The following KLRG1 variants were observed in gnomAD, a reference collection of about 807,000 sequenced individuals.
KLRG1 encodes killer cell lectin-like receptor subfamily G member 1.
Under a neutral mutation model 21.8 loss-of-function variants are expected in KLRG1, and 16 were observed. The ratio of observed to expected loss-of-function variants is 0.73; its 90% CI spans 0.50 to 1.11. The LOEUF (loss-of-function observed/expected upper bound fraction) is 1.11, where lower values mean the gene tolerates loss of function less well. KLRG1 is among the 50% of genes most tolerant of loss of function. The pLI is 0.00. For synonymous variants in KLRG1, 69 were observed against 75.9 expected (o/e 0.91, Z 0.47); for missense variants, 173 against 218.3 (o/e 0.79, Z 1.31).
chr12:8,956,110 A>G (rs1323734969), intron 1 of KLRG1, among the ~76,000 whole-genome samples: 1 of 152,140 alleles, frequency 6.6e-6, no homozygotes, highest in Non-Finnish European at 1.5e-5. Flanking sequence ...TGCAATTGTC[A>G]GTGTAACCTC....
chr12:9,201,956 A>G, the KLRG1 span, among the ~76,000 whole-genome samples: 1 of 152,142 alleles, frequency 6.6e-6, no homozygotes, highest in Non-Finnish European at 1.5e-5. Context: ...GGTCTATTGT[A>G]TATACCTATA....
At chr12:9,014,996 A>G (rs1451547684), downstream of KLRG1, among the ~76,000 whole-genome samples, 1 of 152,160 alleles carries the variant, frequency 6.6e-6, no homozygotes, top group Non-Finnish European at 1.5e-5. Context: ...ACCTCAAATA[A>G]AAAAACATAC....
chr12:9,103,047 T>C, the KLRG1 span, among the ~76,000 whole-genome samples: 1 of 152,208 alleles, frequency 6.6e-6, no homozygotes, highest in Non-Finnish European at 1.5e-5. Flanking sequence ...CTGCATGCTA[T>C]ACCGAATAAC....
At chr12:9,022,131 C>T in the KLRG1 span, among the ~76,000 whole-genome samples, 1 of 152,076 alleles carries the variant, frequency 6.6e-6, no homozygotes, top group African/African-American at 2.4e-5. Context: ...CATAGCCAGA[C>T]CCCATCTCTA....
intron 1 of KLRG1, among the ~76,000 whole-genome samples, chr12:8,957,019 C>T (rs1946306293): frequency 1.3e-5 from 2 of 152,160 alleles, no homozygotes; most frequent in African/African-American, 2.4e-5. Context: ...CCAGTGGTCA[C>T]GAGTGAATCT....
At chr12:9,185,456 A>C in the KLRG1 span, among the ~76,000 whole-genome samples, 3 of 152,156 alleles carry the variant, frequency 2.0e-5, no homozygotes, top group African/African-American at 7.2e-5. Flanking sequence ...TGAATCTACA[A>C]CTCCTTGATA....
At chr12:8,975,714 C>A (rs1946647474) in intron 1 of KLRG1, among the ~76,000 whole-genome samples, 1 of 152,134 alleles carries the variant, frequency 6.6e-6, no homozygotes, top group Non-Finnish European at 1.5e-5. Flanking sequence ...CAGGCATATA[C>A]CATCACACTG....
chr12:9,211,176 C>A, the KLRG1 span, among the ~76,000 whole-genome samples: 1 of 152,122 alleles, frequency 6.6e-6, no homozygotes, highest in African/African-American at 2.4e-5. Context: ...TTCCAGTATT[C>A]CTTTAAATAA....
At chr12:9,149,002 G>T in the KLRG1 span, 1 of 1,610,702 alleles carries the variant, frequency 6.2e-7, no homozygotes, top group Non-Finnish European at 8.5e-7. Context: ...TATCTATGGA[G>T]AAAAGAAAAA....
At chr12:9,094,929 G>T in the KLRG1 span, 5 of 1,069,964 alleles carry the variant, frequency 4.7e-6, no homozygotes, top group African/African-American at 1.6e-5. Context: ...TTTAAAATTT[G>T]GTGAATATAT....
the KLRG1 span, among the ~76,000 whole-genome samples, chr12:9,073,081 T>G: frequency 6.6e-6 from 1 of 152,144 alleles, no homozygotes; most frequent in Non-Finnish European, 1.5e-5. Flanking sequence ...ATGCCCTACA[T>G]GTTTATTTTA....
At chr12:9,196,864 G>C in the KLRG1 span, 3 of 770,024 alleles carry the variant, frequency 3.9e-6, no homozygotes, top group Non-Finnish European at 6.4e-6. Flanking sequence ...GTCCAAATGA[G>C]AATCTTGTTG....
the KLRG1 span, among the ~76,000 whole-genome samples, chr12:9,061,325 A>C: frequency 6.6e-5 from 10 of 152,064 alleles, no homozygotes; most frequent in Admixed American, 1.3e-4. Context: ...TGTTTTCCAG[A>C]TGTTTGCCAG....
At chr12:9,110,328 G>A in the KLRG1 span, 1 of 1,445,742 alleles carries the variant, frequency 6.9e-7, no homozygotes, top group Non-Finnish European at 9.3e-7. Flanking sequence ...ATGTATACTA[G>A]TGGAATCTGA....
rs1177538359 is a variant in KLRG1 at position 8,955,011 on chromosome 12, G to T, written c.-156+4775G>T. Among the ~76,000 whole-genome samples the T allele has an allele frequency of 4.6e-5, 7 of 151,774 alleles. No homozygotes were observed. The East Asian group carries it at 9.6e-4, about 21-fold the overall frequency. The stretch of plus-strand genomic sequence containing the variant: ...GGCTCACTGCAACCTCTGCCTTCTG[G>T]GTTCAAGCTATTCTTCTGCCTCAGC... On this transcript the variant is annotated intron_variant, in intron 1 of 4. Coordinates refer to the KLRG1 transcript ENST00000539240.
At chr12:9,202,556 T>A in the KLRG1 span, 1 of 1,614,178 alleles carries the variant, frequency 6.2e-7, no homozygotes, top group South Asian at 1.1e-5. Context: ...TGGGTTTGTC[T>A]GTCTGGACAA....
the KLRG1 span, chr12:9,151,656 G>T: frequency 6.2e-7 from 1 of 1,613,784 alleles, no homozygotes; most frequent in Non-Finnish European, 8.5e-7. Flanking sequence ...CCGGCTCACA[G>T]AGCTAGATCT....
the KLRG1 span, chr12:9,098,558 G>T: frequency 6.4e-7 from 1 of 1,551,720 alleles, no homozygotes. Flanking sequence ...TCCTTGCTCT[G>T]AGCCCCTGGC....
At position 8,992,320 on chromosome 12, in the gene KLRG1, A is replaced by G; in HGVS notation, c.187+10A>G. On this transcript the variant is annotated intron_variant, in intron 2 of 4. Coordinates refer to ENST00000356986, the MANE Select transcript of KLRG1 (RefSeq NM_005810.4). ...TGGATCCTGTGCCAGGGTAAGTGCA[A>G]ACTTAAACCAAAATTAATCTTTCAT... 1 of 1,540,848 alleles carries G rather than the reference A, an allele frequency of 6.5e-7. No individual in the cohort carries two copies. Among genetic ancestry groups the G allele is most frequent in the East Asian group, 2.3e-5 (1 of 44,432 alleles).
Sources: allele counts gnomAD v4.1 joint callset (sites outside exome capture counted in the v4.1 genomes callset), GRCh38; gene constraint gnomAD v4.1.1; transcripts MANE v1.5; gene names NCBI Gene and HGNC (gene_info 2026-07-23, HGNC 2026-07-21).